XCR1: variants seen among roughly 807,000 people sequenced by gnomAD.
The protein encoded by XCR1 is chemokine XC receptor 1.
For missense variants in XCR1, 356 were observed against 424.2 expected (o/e 0.84, Z 1.41); for synonymous variants, 187 against 188.5 (o/e 0.99, Z 0.06).
intron 4 of XCR1, among the ~76,000 whole-genome samples, chr3:46,059,674 T>G (rs1205812356): frequency 2.6e-5 from 4 of 152,252 alleles, no homozygotes; most frequent in Non-Finnish European, 5.9e-5. Flanking sequence ...GGTGCCTGGC[T>G]ACTTTTCACT....
intron 4 of XCR1, among the ~76,000 whole-genome samples, chr3:46,058,756 G>T (rs185894183): frequency 4.6e-5 from 7 of 152,038 alleles, no homozygotes; most frequent in Admixed American, 4.6e-4. Flanking sequence ...GTAGAAACAG[G>T]GTTTTACCAT....
intron 2 of XCR1, among the ~76,000 whole-genome samples, chr3:46,075,258 AG>A (rs1698236993): frequency 6.8e-6 from 1 of 147,712 alleles, no homozygotes; most frequent in South Asian, 2.2e-4. Flanking sequence ...CAATGAGGGA[AG>A]GATAGTCTTT....
intron 1 of XCR1, among the ~76,000 whole-genome samples, chr3:46,022,429 T>C (rs959724120): frequency 6.6e-6 from 1 of 152,258 alleles, no homozygotes; most frequent in African/African-American, 2.4e-5. Context: ...AGAGATAGCT[T>C]TCCAAGACCA....
chr3:46,048,264 G>A lies in XCR1; in HGVS notation c.-32+5656C>T, dbSNP rs1697672657. Among the ~76,000 whole-genome samples, 5 of 152,160 alleles carry A rather than the reference G, an allele frequency of 3.3e-5. 1 individual carries two copies. In the South Asian group the frequency reaches 6.2e-4, roughly 19 times the overall value. On this transcript the variant is annotated intron_variant, in intron 5 of 5. Transcript: ENST00000683768. ...GGAGTGTCACTCCAAAGTACAGGTC[G>A]TACTGCTGGGGGATTGGGAACATAT...
intron 5 of XCR1, among the ~76,000 whole-genome samples, chr3:46,045,950 GAT>G (rs1306557107): frequency 6.6e-6 from 1 of 152,198 alleles, no homozygotes; most frequent in African/African-American, 2.4e-5. Flanking sequence ...CAAAGGCAAA[GAT>G]ATGGAATCAA....
rs978149230 is a variant in XCR1, at chr3:46,018,719, T to C, written c.*2227A>G. 6.6e-6 allele frequency: 1 copy of C among 152,306 alleles called. No homozygotes were observed. The highest frequency in any genetic ancestry group is 2.1e-4 in the South Asian group (1 of 4,822). 9.4% of individuals were successfully genotyped at this position (152,306 alleles called of 1,614,324 possible). A position where few individuals can be genotyped will look rare whatever the true frequency, so the allele number is the denominator to read the frequency against. On this transcript the variant is annotated 3_prime_UTR_variant, in exon 2 of 2. Transcript: ENST00000309285. ...CCAGATCTACTGCCCCATTGGCAAATAGATCATTGAAGTTGCATCTGGAAC... is the reference window on the plus strand; with the variant it reads ...CCAGATCTACTGCCCCATTGGCAAACAGATCATTGAAGTTGCATCTGGAAC...
At chr3:46,067,647 C>T (rs1376853881) in intron 3 of XCR1, among the ~76,000 whole-genome samples, 1 of 152,056 alleles carries the variant, frequency 6.6e-6, no homozygotes, top group Admixed American at 6.5e-5. Context: ...AATTCCTGCC[C>T]CAGGGAACAC....
intron 1 of XCR1, among the ~76,000 whole-genome samples, chr3:46,080,262 T>C (rs1204509455): frequency 6.6e-6 from 1 of 150,680 alleles, no homozygotes; most frequent in Non-Finnish European, 1.5e-5. Context: ...CTCATAAAAA[T>C]ATAAAAATTC....
chr3:46,067,122 C>A (rs1321774284), intron 3 of XCR1, among the ~76,000 whole-genome samples: 1 of 152,002 alleles, frequency 6.6e-6, no homozygotes, highest in Non-Finnish European at 1.5e-5. Flanking sequence ...GCTGGGGGTT[C>A]AAAAAGGAAT....
At chr3:46,038,145 A>G (rs1332405045) in intron 5 of XCR1, among the ~76,000 whole-genome samples, 1 of 151,104 alleles carries the variant, frequency 6.6e-6, no homozygotes, top group East Asian at 1.9e-4. Context: ...TTTCTGCCTC[A>G]GCCTCCCAAG....
intron 1 of XCR1, among the ~76,000 whole-genome samples, chr3:46,084,857 C>T (rs188202468): frequency 3.5e-4 from 53 of 152,296 alleles, no homozygotes; most frequent in Non-Finnish European, 5.9e-4. Flanking sequence ...TGCTCACTAC[C>T]TGGGCGATGG....
intron 4 of XCR1, among the ~76,000 whole-genome samples, chr3:46,059,537 A>T (rs1697921845): frequency 1.3e-5 from 2 of 152,250 alleles, no homozygotes; most frequent in East Asian, 3.8e-4. Flanking sequence ...GATTTCAGAA[A>T]GAAAATCTTA....
intron 1 of XCR1, among the ~76,000 whole-genome samples, chr3:46,081,217 C>A (rs945729630): frequency 1.3e-5 from 2 of 152,172 alleles, no homozygotes; most frequent in African/African-American, 4.8e-5. Flanking sequence ...ACCCCCAATC[C>A]TCTGGACTGG....
At chr3:46,023,229 C>T (rs149836991) in intron 1 of XCR1, 24 of 564,328 alleles carry the variant, frequency 4.3e-5, no homozygotes, top group East Asian at 1.2e-4. Flanking sequence ...GGCTGCGTCG[C>T]GCTCCCCTGC....
chr3:46,075,488 G>C (rs1698243059), intron 2 of XCR1, among the ~76,000 whole-genome samples: 2 of 151,990 alleles, frequency 1.3e-5, no homozygotes, highest in Non-Finnish European at 2.9e-5. Flanking sequence ...TTGGTGAAGA[G>C]TTCTTGGACA....
intron 5 of XCR1, among the ~76,000 whole-genome samples, chr3:46,035,705 G>T (rs1262200679): frequency 6.6e-6 from 1 of 152,196 alleles, no homozygotes. Flanking sequence ...TCCTTTGTGG[G>T]CCCAGACAGC....
chr3:46,066,868 T>TTAAA lies in XCR1; in HGVS notation c.-183+27_-183+30dup, dbSNP rs113689502. 1.1e-3 allele frequency among the ~76,000 whole-genome samples: 169 copies of TTAAA among 152,350 alleles called. 1 individual carries two copies. The highest frequency in any genetic ancestry group is 6.8e-3 in the Middle Eastern group (2 of 294). ...CGACTTTACTGAGTTGGTGTGAGGA[T>TTAAA]TAAATAAATTAATATGAGTTAGATA... On this transcript the variant is annotated intron_variant, in intron 4 of 5. Transcript: ENST00000683768.
chr3:46,055,420 AC>A (rs1487503665), intron 4 of XCR1, among the ~76,000 whole-genome samples: 1 of 152,056 alleles, frequency 6.6e-6, no homozygotes, highest in African/African-American at 2.4e-5. Flanking sequence ...TAGTTTGAAG[AC>A]CCCTCCAGAC....
In XCR1 at chr3:46,017,313, A is replaced by G. The variant is rs558818655; in HGVS notation, c.*3633T>C. ...TTGGACATCTTTAGACCAGGTTTCCATGTTTGCAGACCTTTTTGTCCCATC... is the reference window on the plus strand; with the variant it reads ...TTGGACATCTTTAGACCAGGTTTCCGTGTTTGCAGACCTTTTTGTCCCATC... On this transcript the variant is annotated 3_prime_UTR_variant, in exon 2 of 2. Transcript: ENST00000309285. 2.0e-5 allele frequency: 3 copies of G among 152,334 alleles called. No homozygotes were observed. In the South Asian group the frequency reaches 6.2e-4, roughly 32 times the overall value. 9.4% of individuals were successfully genotyped at this position (152,334 alleles called of 1,614,324 possible).
Sources: gnomAD v4.1 joint callset for allele counts (sites outside exome capture counted in the v4.1 genomes callset) on GRCh38, gnomAD v4.1.1 for gene constraint, MANE v1.5 for transcripts, NCBI Gene and HGNC (gene_info 2026-07-23, HGNC 2026-07-21) for gene names.